Variants in RSF1 observed in about 807,000 individuals in gnomAD.
RSF1 encodes the protein remodeling and spacing factor 1.
RSF1 carries 13 observed loss-of-function variants against 145.2 expected under a neutral mutation model. The observed-to-expected ratio is 0.09, with a 90% confidence interval of 0.06 to 0.14. The LOEUF (loss-of-function observed/expected upper bound fraction) is 0.14. Ranked by LOEUF, RSF1 falls within the 10% of genes least tolerant of loss-of-function variation. RSF1 has a pLI of 1.00. For synonymous variants in RSF1, 577 were observed against 592.6 expected, an observed-to-expected ratio of 0.97 and a Z score of 0.38; for missense variants, 1,517 against 1,718.2, an observed-to-expected ratio of 0.88 and a Z score of 2.07.
intron 5 of RSF1, chr11:77,702,745 G>T (rs1960456940): frequency 3.3e-6 from 1 of 300,398 alleles, no homozygotes; most frequent in Non-Finnish European, 6.0e-6. Context: ...TTGTTTTGGT[G>T]TTCTCAATGG....
chr11:77,761,671 T>C (rs566913960), intron 2 of RSF1, among the ~76,000 whole-genome samples: 1 of 152,050 alleles, frequency 6.6e-6, no homozygotes, highest in African/African-American at 2.4e-5. Flanking sequence ...CCACAGAAAA[T>C]AGGGGAATTT....
At chr11:77,740,239 G>C (rs558610002) in intron 4 of RSF1, among the ~76,000 whole-genome samples, 12 of 152,326 alleles carry the variant, frequency 7.9e-5, no homozygotes, top group African/African-American at 2.9e-4. Flanking sequence ...GCTGGGCATG[G>C]TGGCACACGC....
At position 77,812,988 on chromosome 11, in the gene RSF1, A is replaced by G. The variant is rs546930307; in HGVS notation, c.187+7540T>C. Among the ~76,000 whole-genome samples, 296 of 151,936 alleles carry G rather than the reference A, an allele frequency of 1.9e-3. 1 individual carries two copies. The highest frequency in any genetic ancestry group is 6.7e-3 in the African/African-American group (276 of 41,456). On this transcript the variant is annotated intron_variant, in intron 1 of 15. Coordinates refer to ENST00000308488, the MANE Select transcript of RSF1 (RefSeq NM_016578.4). The stretch of plus-strand genomic sequence containing the variant: ...AAGATCACCTTAATTTTGGACAAAC[A>G]TTCTAAGCATAACTTTTAATTCTTG...
At chr11:77,708,974 A>T (rs541551275) in intron 5 of RSF1, among the ~76,000 whole-genome samples, 1 of 152,358 alleles carries the variant, frequency 6.6e-6, no homozygotes, top group South Asian at 2.1e-4. Flanking sequence ...TGACAATCAA[A>T]TATTAAATGA....
chr11:77,819,406 G>C (rs929919482), intron 1 of RSF1, among the ~76,000 whole-genome samples: 3 of 152,250 alleles, frequency 2.0e-5, no homozygotes, highest in African/African-American at 7.2e-5. Flanking sequence ...CACTCAGTGT[G>C]AAGGCTGGAG....
At chr11:77,769,654 AT>A (rs1948262122) in intron 1 of RSF1, among the ~76,000 whole-genome samples, 1 of 152,186 alleles carries the variant, frequency 6.6e-6, no homozygotes, top group Non-Finnish European at 1.5e-5. Context: ...TTACTCAAAG[AT>A]GTTTTATATT....
In RSF1 at chr11:77,715,964, C is replaced by T. The variant is rs1033761823; in HGVS notation, c.733+9581G>A. 2.6e-5 allele frequency among the ~76,000 whole-genome samples: 4 copies of T among 152,208 alleles called. No individual in the cohort carries two copies. The East Asian group carries it at 7.7e-4, about 29-fold the overall frequency. On this transcript the variant is annotated intron_variant, in intron 5 of 15. Coordinates refer to ENST00000308488, the MANE Select transcript of RSF1 (RefSeq NM_016578.4). The stretch of plus-strand genomic sequence containing the variant: ...CATTATTATACATTCAGTACATAAA[C>T]TTTTTGATCCCCATCCATAAGTTTC...
At chr11:77,821,393 G>T (rs1948891895), upstream of RSF1, among the ~76,000 whole-genome samples, 1 of 152,132 alleles carries the variant, frequency 6.6e-6, no homozygotes, top group African/African-American at 2.4e-5. Context: ...CTTAATTAGG[G>T]GCTGGGCTGG....
intron 1 of RSF1, among the ~76,000 whole-genome samples, chr11:77,817,712 T>C (rs918744146): frequency 7.2e-5 from 11 of 152,222 alleles, no homozygotes; most frequent in Admixed American, 5.9e-4. Flanking sequence ...TTTCTATGCC[T>C]GCCAAATAGG....
At chr11:77,822,694 T>TAGTG (rs1305754703), upstream of RSF1, among the ~76,000 whole-genome samples, 1 of 152,190 alleles carries the variant, frequency 6.6e-6, no homozygotes, top group Non-Finnish European at 1.5e-5. Flanking sequence ...TTGCCTTGAA[T>TAGTG]AGTGATTCAT....
the RSF1 span, among the ~76,000 whole-genome samples, chr11:77,865,810 T>C: frequency 4.6e-5 from 7 of 152,374 alleles, no homozygotes; most frequent in Non-Finnish European, 1.0e-4. Flanking sequence ...ATGTTTCCTC[T>C]ATAATCTTAC....
intron 2 of RSF1, among the ~76,000 whole-genome samples, chr11:77,752,655 T>C (rs1686039639): frequency 6.6e-6 from 1 of 152,088 alleles, no homozygotes; most frequent in Admixed American, 6.6e-5. Context: ...TCCCTGGCTG[T>C]GAGACAATAA....
rs1018392038 is a variant in RSF1, at chr11:77,702,392, T to C, written c.837A>G (p.Glu279=). 10 of 1,609,898 alleles carry C rather than the reference T, an allele frequency of 6.2e-6. No individual in the cohort carries two copies. Among genetic ancestry groups the C allele is most frequent in the Admixed American group, 1.7e-5 (1 of 59,138 alleles). Residue 279 remains glutamate, a synonymous_variant, in exon 6 of 16, where the codon GAA becomes GAG. Transcript: ENST00000308488. ...NVLEETTVKK[E]KEDEKELVKL... Reference sequence around the variant, plus strand: ...TCACAAGTTCCTTTTCATCTTCTTTTTCTTTTTTCACAGTAGTCTCTTCTA... The same window carrying C: ...TCACAAGTTCCTTTTCATCTTCTTTCTCTTTTTTCACAGTAGTCTCTTCTA...
At chr11:77,718,955 A>AT (rs1960880735) in intron 5 of RSF1, among the ~76,000 whole-genome samples, 1 of 152,238 alleles carries the variant, frequency 6.6e-6, no homozygotes, top group African/African-American at 2.4e-5. Flanking sequence ...TCTACCTACT[A>AT]TAACTATACT....
intron 1 of RSF1, among the ~76,000 whole-genome samples, chr11:77,803,653 C>T (rs190840377): frequency 1.3e-5 from 2 of 151,838 alleles, no homozygotes; most frequent in Non-Finnish European, 2.9e-5. Flanking sequence ...GTGGTGCGCA[C>T]CTGTAATCCC....
chr11:77,785,230 C>A (rs749458189), intron 1 of RSF1, among the ~76,000 whole-genome samples: 2 of 152,164 alleles, frequency 1.3e-5, no homozygotes, highest in Non-Finnish European at 2.9e-5. Flanking sequence ...AGTTTACTAG[C>A]TGTTTATGAC....
At chr11:77,846,845 G>A in the RSF1 span, among the ~76,000 whole-genome samples, 1 of 151,890 alleles carries the variant, frequency 6.6e-6, no homozygotes, top group Non-Finnish European at 1.5e-5. Flanking sequence ...ATTTTTTTTA[G>A]AACTTTATTT....
chr11:77,749,388 T>C (rs994396930), intron 2 of RSF1, among the ~76,000 whole-genome samples: 1 of 152,188 alleles, frequency 6.6e-6, no homozygotes, highest in African/African-American at 2.4e-5. Context: ...GAAGCACTTA[T>C]TGAGTGCTCG....
intron 3 of RSF1, among the ~76,000 whole-genome samples, chr11:77,743,288 G>C (rs1164204376): frequency 1.3e-5 from 2 of 152,180 alleles, no homozygotes; most frequent in East Asian, 3.8e-4. Flanking sequence ...ATTGGAATTT[G>C]ATAGGGACTG....
Sources: allele counts gnomAD v4.1 joint callset (sites outside exome capture counted in the v4.1 genomes callset), GRCh38; gene constraint gnomAD v4.1.1; transcripts MANE v1.5; gene names NCBI Gene and HGNC (gene_info 2026-07-23, HGNC 2026-07-21).